ANKRD36: variants seen among roughly 807,000 people sequenced by gnomAD.
ANKRD36 encodes the protein ankyrin repeat domain 36, also known as ankyrin repeat domain-containing protein 36A.
Under a neutral mutation model 278.1 loss-of-function variants are expected in ANKRD36, and 179 were observed. The ratio of observed to expected loss-of-function variants is 0.64; its 90% confidence interval spans 0.57 to 0.73. ANKRD36 has a LOEUF of 0.73. Ranked by LOEUF, ANKRD36 falls within the 30% of genes least tolerant of loss-of-function variation. ANKRD36 has a pLI of 0.00. For synonymous variants in ANKRD36, 320 were observed against 641.1 expected (o/e 0.50, Z 7.57); for missense variants, 1,159 against 1,956.7 (o/e 0.59, Z 7.69).
chr2:97,158,976 A>G (rs2048197556), intron 17 of ANKRD36, among the ~76,000 whole-genome samples: 1 of 152,074 alleles, frequency 6.6e-6, no homozygotes, highest in African/African-American at 2.4e-5. Context: ...GGAAAGAAGT[A>G]GAAAGCAACC....
chr2:97,154,848 A>G (rs1338254143), intron 15 of ANKRD36, 107 bp downstream of exon 15: 5 of 972,320 alleles, frequency 5.1e-6, no homozygotes, highest in Non-Finnish European at 7.3e-6. Flanking sequence ...TCATTGTTTT[A>G]TGTTAGTATT....
chr2:97,165,960 A>G (rs1237541461), intron 20 of ANKRD36, among the ~76,000 whole-genome samples: 3 of 152,124 alleles, frequency 2.0e-5, no homozygotes, highest in Admixed American at 2.0e-4. Context: ...TTCACAAGTG[A>G]TTTCTGAAGA....
chr2:97,248,873 CATA>C (rs1483449499), intron 72 of ANKRD36: 6 of 473,078 alleles, frequency 1.3e-5, no homozygotes, highest in Admixed American at 3.9e-5. Context: ...CTTTGTGAGC[CATA>C]AGATCCTTGT....
chr2:97,122,814 C>G, intron 3 of ANKRD36, 73 bp from the exon 4 acceptor site: 1 of 1,382,776 alleles, frequency 7.2e-7, no homozygotes, highest in Non-Finnish European at 9.7e-7. Flanking sequence ...CAGGATCTTA[C>G]TTACATAAGG....
At chr2:97,174,683 A>G (rs1165451329) in intron 22 of ANKRD36, among the ~76,000 whole-genome samples, 1 of 151,756 alleles carries the variant, frequency 6.6e-6, no homozygotes, top group Non-Finnish European at 1.5e-5. Flanking sequence ...GTGGTGAGAA[A>G]GGGCATCCCT....
Position 97,196,470 on chromosome 2 carries a change from A to T in ANKRD36, c.2552-123A>T. ...GTTCTAGTCCCCAGACACAAAGTAG[A>T]AGCCATCAAAGCCTATGCTAATACA... On this transcript the variant is annotated intron_variant, in intron 40 of 75. Transcript: ENST00000420699. The T allele has an allele frequency of 3.3e-6, 5 of 1,528,474 alleles. No individual in the cohort carries two copies. In the Admixed American group the frequency reaches 9.6e-5, roughly 29 times the overall value. The allele number at this position is 1,528,474 out of a possible 1,614,324, so 94.7% of individuals were successfully genotyped here.
At chr2:97,193,922 A>G (rs1412369081) in intron 38 of ANKRD36, among the ~76,000 whole-genome samples, 7 of 151,692 alleles carry the variant, frequency 4.6e-5, no homozygotes, top group Admixed American at 2.0e-4. Flanking sequence ...AACGCCTAAA[A>G]TAGTCATTTT....
chr2:97,131,349 C>T (rs201121875), intron 6 of ANKRD36, among the ~76,000 whole-genome samples: 23 of 151,902 alleles, frequency 1.5e-4, no homozygotes, highest in Non-Finnish European at 2.6e-4. Flanking sequence ...TATGCCACCA[C>T]ACCAAGCTAA....
At chr2:97,196,852 A>G in intron 42 of ANKRD36, 64 bp downstream of exon 42, 4 of 1,538,058 alleles carry the variant, frequency 2.6e-6, no homozygotes, top group Non-Finnish European at 3.5e-6. Flanking sequence ...CTCTTCCCCA[A>G]ATAAATCAGC....
intron 17 of ANKRD36, among the ~76,000 whole-genome samples, chr2:97,161,497 A>G (rs535496521): frequency 5.9e-5 from 9 of 152,066 alleles, no homozygotes; most frequent in Admixed American, 5.3e-4. Context: ...CCCCATGTTT[A>G]TCTGTATATG....
At chr2:97,124,886 T>C (rs2443927) in intron 5 of ANKRD36, among the ~76,000 whole-genome samples, 8 of 151,912 alleles carry the variant, frequency 5.3e-5, no homozygotes, top group South Asian at 2.1e-4. Context: ...ATTTTATTTC[T>C]AGTATAACCC....
At chr2:97,172,290 A>G (rs910628524) in intron 22 of ANKRD36, among the ~76,000 whole-genome samples, 3 of 151,810 alleles carry the variant, frequency 2.0e-5, no homozygotes, top group Non-Finnish European at 4.4e-5. Context: ...TCAGTGATAT[A>G]TATTTCAGAT....
At chr2:97,243,063 CAA>C (rs1233523745) in intron 69 of ANKRD36, among the ~76,000 whole-genome samples, 1 of 132,500 alleles carries the variant, frequency 7.5e-6, no homozygotes, top group African/African-American at 2.5e-5. Flanking sequence ...CTAATATCAA[CAA>C]AGAGAGTCAA....
chr2:97,204,148 A>G, intron 49 of ANKRD36, 43 bp from the exon 50 acceptor site: 2 of 1,571,538 alleles, frequency 1.3e-6, no homozygotes, highest in Non-Finnish European at 8.6e-7. Flanking sequence ...AGTCTACGAA[A>G]CATACTTTAT....
intron 67 of ANKRD36, among the ~76,000 whole-genome samples, chr2:97,233,009 T>TA (rs796667881): frequency 3.0e-4 from 44 of 144,596 alleles, no homozygotes; most frequent in East Asian, 8.6e-4. Context: ...GCATGTGATT[T>TA]AAAAAAAAAA....
At chr2:97,204,880 G>A (rs138472854) in intron 50 of ANKRD36, among the ~76,000 whole-genome samples, 25 of 151,604 alleles carry the variant, frequency 1.6e-4, no homozygotes, top group Non-Finnish European at 3.4e-4. Context: ...AGGAAACAGT[G>A]GTTGAATTGG....
At chr2:97,153,390 G>T (rs2046605807) in intron 14 of ANKRD36, among the ~76,000 whole-genome samples, 1 of 152,102 alleles carries the variant, frequency 6.6e-6, no homozygotes, top group African/African-American at 2.4e-5. Context: ...ATTTAAGACA[G>T]CTAAGTAGTC....
chr2:97,197,540 A>G (rs1334910676), intron 42 of ANKRD36, among the ~76,000 whole-genome samples: 1 of 151,894 alleles, frequency 6.6e-6, no homozygotes, highest in East Asian at 1.9e-4. Context: ...TCCTTGTTCA[A>G]GGAGCTACCT....
chr2:97,113,519 G>T lies in ANKRD36; in HGVS notation c.-221G>T. The stretch of plus-strand genomic sequence containing the variant: ...CTGGGCGCGCGAGAGCTGCTAGGGC[G>T]GTTTCTCTGCCTCGGGCCTGTTGGG... On this transcript the variant is annotated 5_prime_UTR_variant, in exon 1 of 76. Transcript: ENST00000420699. 1.7e-6 allele frequency: 1 copy of T among 589,830 alleles called. No individual in the cohort carries two copies. Among genetic ancestry groups the T allele is most frequent in the South Asian group, 2.2e-5 (1 of 45,842 alleles). 36.5% of individuals were successfully genotyped at this position (589,830 alleles called of 1,614,324 possible).
Sources: gnomAD v4.1 joint callset for allele counts (sites outside exome capture counted in the v4.1 genomes callset) on GRCh38, gnomAD v4.1.1 for gene constraint, MANE v1.5 for transcripts, NCBI Gene and HGNC (gene_info 2026-07-23, HGNC 2026-07-21) for gene names.